Variants in HNRNPR observed in about 807,000 individuals in gnomAD.
The protein encoded by HNRNPR is heterogeneous nuclear ribonucleoprotein R.
In HNRNPR, 4 loss-of-function variants were observed where a neutral mutation model predicts 70.3. That is an observed-to-expected ratio of 0.06 (90% confidence interval 0.03 to 0.13). HNRNPR has a LOEUF of 0.13. Among genes scored for constraint, HNRNPR ranks in the 10% least tolerant of loss-of-function variants. HNRNPR has a pLI of 1.00. For missense variants in HNRNPR, 423 were observed against 788.5 expected, an observed-to-expected ratio of 0.54 and a Z score of 5.55; for synonymous variants, 241 against 267.6, an observed-to-expected ratio of 0.90 and a Z score of 0.97.
chr1:23,328,143 A>G (rs1404093211), intron 5 of HNRNPR, among the ~76,000 whole-genome samples: 1 of 152,226 alleles, frequency 6.6e-6, no homozygotes, highest in African/African-American at 2.4e-5. Context: ...GGCTAGAATG[A>G]AAGTGACAGT....
intron 9 of HNRNPR, among the ~76,000 whole-genome samples, chr1:23,312,634 C>G (rs1160822637): frequency 2.0e-5 from 3 of 152,162 alleles, no homozygotes; most frequent in Non-Finnish European, 4.4e-5. Flanking sequence ...TAATTAGCTA[C>G]CATCAATGAG....
chr1:23,321,824 C>T (rs370494002), intron 6 of HNRNPR, among the ~76,000 whole-genome samples, 161 bp from the exon 7 acceptor site: 12 of 152,302 alleles, frequency 7.9e-5, no homozygotes, highest in African/African-American at 2.9e-4. Context: ...TTTTAAACTT[C>T]ATTGTTACAG....
intron 7 of HNRNPR, among the ~76,000 whole-genome samples, chr1:23,319,686 T>C (rs1016334871): frequency 1.3e-5 from 2 of 152,208 alleles, no homozygotes; most frequent in Non-Finnish European, 2.9e-5. Flanking sequence ...CTTCTCATTA[T>C]ATATACAATA....
chr1:23,340,637 C>CT (rs1035748942), intron 2 of HNRNPR, among the ~76,000 whole-genome samples: 1 of 152,106 alleles, frequency 6.6e-6, no homozygotes, highest in African/African-American at 2.4e-5. Context: ...TCTGAAACAA[C>CT]TAAGACTGCA....
Position 23,323,580 on chromosome 1 carries a change from T to C in HNRNPR, c.651A>G (p.Glu217=). The C allele has an allele frequency of 6.2e-7, 1 of 1,613,934 alleles. No individual in the cohort carries two copies. Among genetic ancestry groups the C allele is most frequent in the Non-Finnish European group, 8.5e-7 (1 of 1,179,824 alleles). ...CCAGTTTCACGGCTTCCTGTGCAGC[T>C]TCCTTTCCACAGAAGGTGATAAATG... is the stretch of plus-strand genomic sequence containing the variant. ...GYAFITFCGK[E]AAQEAVKLCD... The change falls in exon 6 of 11, where the codon GAA becomes GAG. Residue 217 remains glutamate, a synonymous_variant. Transcript: ENST00000302271.
chr1:23,325,672 A>G (rs537891740), intron 5 of HNRNPR, among the ~76,000 whole-genome samples: 1 of 152,176 alleles, frequency 6.6e-6, no homozygotes, highest in South Asian at 2.1e-4. Context: ...GCCACAATAA[A>G]TAAGCCCATT....
At chr1:23,342,856 A>G (rs1043964511) in intron 1 of HNRNPR, among the ~76,000 whole-genome samples, 10 of 152,242 alleles carry the variant, frequency 6.6e-5, no homozygotes, top group Non-Finnish European at 1.3e-4. Context: ...TTGTGTATTA[A>G]GTACAAGACA....
chr1:23,317,437 C>A (rs1388969296), intron 8 of HNRNPR, among the ~76,000 whole-genome samples: 1 of 150,950 alleles, frequency 6.6e-6, no homozygotes, highest in East Asian at 2.0e-4. Context: ...CAGCCTGGGA[C>A]AAAGCAAGAC....
chr1:23,310,653 T>A lies in HNRNPR; in HGVS notation c.1703A>T (p.Asn568Ile). The change falls in exon 11 of 11, where the codon AAT (asparagine) becomes ATT (isoleucine). Residue 568 changes from asparagine to isoleucine, a missense_variant. Around this residue, in one of 7 missense-constraint regions of HNRNPR, gnomAD observed 169 missense variants for 195.6 expected, o/e 0.86. Coordinates refer to ENST00000302271, the MANE Select transcript of HNRNPR (RefSeq NM_005826.5). The surrounding 1 kb of genome is among the most constrained non-coding windows in gnomAD (Gnocchi z 6.0). ...SRGSRGNRGG[N>I]VGGKRKADGY... ...ATCTGCCTTTCTCTTGCCTCCTACA[T>A]TGCCCCCACGATTGCCCCGAGATCC... 1 of 1,613,798 alleles carries A rather than the reference T, an allele frequency of 6.2e-7. No homozygotes were observed. The highest frequency in any genetic ancestry group is 8.5e-7 in the Non-Finnish European group (1 of 1,179,840).
At position 23,307,145 on chromosome 1, in the gene HNRNPR, T is replaced by C. The variant is rs1343594962; in HGVS notation, c.*3309A>G. The C allele has an allele frequency of 6.6e-6, 1 of 152,158 alleles. No individual in the cohort carries two copies. The highest frequency in any genetic ancestry group is 1.5e-5 in the Non-Finnish European group (1 of 68,016). The allele number at this position is 152,158 out of a possible 1,614,324, so 9.4% of individuals were successfully genotyped here. On this transcript the variant is annotated 3_prime_UTR_variant, in exon 11 of 11. Coordinates refer to ENST00000302271, the MANE Select transcript of HNRNPR (RefSeq NM_005826.5). ...AATCAAAATGACAAGTTTTAACATATTTAGAAGCCTTGATAATTGACAAGC... is the reference window on the plus strand; with the variant it reads ...AATCAAAATGACAAGTTTTAACATACTTAGAAGCCTTGATAATTGACAAGC...
chr1:23,328,761 A>G (rs1398350649), intron 5 of HNRNPR, among the ~76,000 whole-genome samples: 3 of 152,110 alleles, frequency 2.0e-5, no homozygotes, highest in Non-Finnish European at 4.4e-5. Flanking sequence ...CAGCCTTCCA[A>G]AGTTTTGGGA....
intron 9 of HNRNPR, among the ~76,000 whole-genome samples, chr1:23,313,290 TC>T (rs1645407235): frequency 6.6e-6 from 1 of 152,142 alleles, no homozygotes; most frequent in African/African-American, 2.4e-5. Context: ...TTGTAATACT[TC>T]CAAGGCATCA....
At position 23,327,292 on chromosome 1, in the gene HNRNPR, CAT is replaced by C. The variant is rs1461835039; in HGVS notation, c.499-3562_499-3561del. Reference sequence around the variant, plus strand: ...CAAGTAATTAGATATACCTTGGACTCATGTGCCATATATTTTTCTAGATTCTA... The same window carrying C: ...CAAGTAATTAGATATACCTTGGACTCGTGCCATATATTTTTCTAGATTCTA... On this transcript the variant is annotated intron_variant, in intron 5 of 10. Transcript: ENST00000302271. Among the ~76,000 whole-genome samples the C allele has an allele frequency of 2.6e-5, 4 of 152,308 alleles. No homozygotes were observed. The East Asian group carries it at 5.8e-4, about 22-fold the overall frequency.
intron 7 of HNRNPR, among the ~76,000 whole-genome samples, chr1:23,319,645 G>A (rs1166495106): frequency 6.6e-6 from 1 of 152,054 alleles, no homozygotes; most frequent in East Asian, 1.9e-4. Flanking sequence ...CAAGAAATAG[G>A]TGTTATTTCC....
intron 1 of HNRNPR, among the ~76,000 whole-genome samples, chr1:23,343,848 C>G (rs911563132): frequency 2.6e-5 from 4 of 152,166 alleles, no homozygotes; most frequent in African/African-American, 9.6e-5. Context: ...CGAAGCGGCT[C>G]CGGCGGGGAG....
intron 9 of HNRNPR, among the ~76,000 whole-genome samples, chr1:23,313,056 C>T (rs3765941): frequency 0.56 from 84,712 of 151,932 alleles, 27,428 homozygotes; most frequent in Middle Eastern, 0.73. Flanking sequence ...CTAACAATTA[C>T]CGAAATCAGT....
intron 5 of HNRNPR, among the ~76,000 whole-genome samples, chr1:23,327,688 TTAAATAAATAAA>T (rs66915389): frequency 4.6e-5 from 7 of 151,294 alleles, no homozygotes; most frequent in African/African-American, 7.3e-5. Flanking sequence ...AGACTCTGTC[TTAAATAAATAAA>T]TAAATAAATA....
chr1:23,318,223 G>A lies in HNRNPR; in HGVS notation c.1017+260C>T, dbSNP rs1645625832. On this transcript the variant is annotated intron_variant, in intron 8 of 10. Coordinates refer to ENST00000302271, the MANE Select transcript of HNRNPR (RefSeq NM_005826.5). The surrounding 1 kb of genome is among the most constrained non-coding windows in gnomAD (Gnocchi z 4.2). ...GTGCCTAGCACTAAACAAACACCCA[G>A]TGTGTATGGGACTACTTAATTGAAG... Among the ~76,000 whole-genome samples the A allele has an allele frequency of 6.7e-6, 1 of 150,086 alleles. No individual in the cohort carries two copies. The highest frequency in any genetic ancestry group is 1.5e-5 in the Non-Finnish European group (1 of 67,716).
At chr1:23,334,922 G>GT (rs1557919830) in intron 4 of HNRNPR, among the ~76,000 whole-genome samples, 4 of 151,346 alleles carry the variant, frequency 2.6e-5, no homozygotes, top group African/African-American at 9.7e-5. Context: ...CAGTTTTTTT[G>GT]GTTTTTTTTT....
Sources: gnomAD v4.1 joint callset for allele counts (sites outside exome capture counted in the v4.1 genomes callset) on GRCh38, gnomAD v4.1.1 for gene constraint, gnomAD v4.1.1 regional missense constraint, Gnocchi (gnomAD v3.1) non-coding constraint, MANE v1.5 for transcripts, NCBI Gene and HGNC (gene_info 2026-07-23, HGNC 2026-07-21) for gene names.